Variants in CD5 observed in about 807,000 individuals in gnomAD.
CD5 encodes T-cell surface glycoprotein CD5.
A neutral mutation model predicts 60.3 loss-of-function variants in CD5; 36 were observed. The observed-to-expected ratio is 0.60, with a 90% confidence interval of 0.46 to 0.79. CD5 has a LOEUF of 0.79. Among genes scored for constraint, CD5 ranks in the 30% least tolerant of loss-of-function variants. The pLI, the probability that CD5 is intolerant of heterozygous loss-of-function variation, is 0.00. For missense variants in CD5, 540 were observed against 630.6 expected, an observed-to-expected ratio of 0.86 and a Z score of 1.54; for synonymous variants, 230 against 257.6, an observed-to-expected ratio of 0.89 and a Z score of 1.03.
upstream of CD5, among the ~76,000 whole-genome samples, chr11:61,101,349 C>T: frequency 1.0e-5 from 1 of 96,072 alleles, no homozygotes; most frequent in Non-Finnish European, 2.2e-5. Context: ...CATTCACACA[C>T]ATCAACATGG....
upstream of CD5, among the ~76,000 whole-genome samples, chr11:61,100,226 ACAACATGGAGATCACACACACACAT>A (rs1860647242): frequency 7.1e-6 from 1 of 141,230 alleles, no homozygotes; most frequent in Non-Finnish European, 1.5e-5. Context: ...TCACACACAC[ACAACATGGAGATCACACACACACAT>A]CAACATGGAG....
chr11:61,118,866 G>A lies in CD5; in HGVS notation c.401-49G>A. 7.1e-7 allele frequency: 1 copy of A among 1,416,630 alleles called. No individual in the cohort carries two copies. The highest frequency in any genetic ancestry group is 1.0e-6 in the Non-Finnish European group (1 of 1,004,604). 87.8% of individuals were successfully genotyped at this position (1,416,630 alleles called of 1,614,324 possible). On this transcript the variant is annotated intron_variant, in intron 3 of 10. Coordinates refer to ENST00000347785, the MANE Select transcript of CD5 (RefSeq NM_014207.4). The surrounding 1 kb of genome is among the most constrained non-coding windows in gnomAD (Gnocchi z 4.7). The stretch of plus-strand genomic sequence containing the variant: ...CTCTCAAGGCTGCTGGCTGCCCCCG[G>A]CCCTCCCCACACCACCCATTCCTCC...
At chr11:61,101,049 A>G (rs534752089), upstream of CD5, among the ~76,000 whole-genome samples, 364 of 110,304 alleles carry the variant, frequency 3.3e-3, 18 homozygotes, top group African/African-American at 0.011. Context: ...TGGAGATTAC[A>G]CACACATCAA....
chr11:61,122,863 T>G (rs756199996), intron 6 of CD5, 44 bp from the exon 7 acceptor site: 1 of 1,545,838 alleles, frequency 6.5e-7, no homozygotes. Context: ...ACAGTTTTTC[T>G]CCCCCCAGGA....
the CD5 span, among the ~76,000 whole-genome samples, chr11:61,097,189 C>T: frequency 6.6e-6 from 1 of 152,194 alleles, no homozygotes; most frequent in Admixed American, 6.5e-5. Flanking sequence ...CTCAATGTCA[C>T]TTCATGTTAT....
At chr11:61,100,481 TACAC>T (rs538147476), upstream of CD5, among the ~76,000 whole-genome samples, 142 of 133,548 alleles carry the variant, frequency 1.1e-3, 1 homozygote, top group African/African-American at 3.8e-3. Context: ...ACATGGAGAT[TACAC>T]ACACAACATG....
chr11:61,103,121 G>A (rs1285208828), intron 1 of CD5, among the ~76,000 whole-genome samples: 5 of 152,210 alleles, frequency 3.3e-5, no homozygotes, highest in Admixed American at 2.0e-4. Context: ...CTGAGCAAAT[G>A]TCAAGGACTC....
intron 9 of CD5, 52 bp from the exon 10 acceptor site, chr11:61,125,699 G>C: frequency 7.5e-7 from 1 of 1,333,738 alleles, no homozygotes; most frequent in Non-Finnish European, 1.1e-6. Context: ...AGGATCCAAG[G>C]GGCTCTGTGG....
intron 1 of CD5, 123 bp downstream of exon 1, chr11:61,102,738 G>C (rs1460686829): frequency 1.2e-6 from 1 of 867,854 alleles, no homozygotes; most frequent in East Asian, 2.7e-5. Context: ...GCGTTGTGGA[G>C]ATTTGGGGCC....
At chr11:61,101,469 A>G (rs1466653928), upstream of CD5, among the ~76,000 whole-genome samples, 9 of 151,786 alleles carry the variant, frequency 5.9e-5, no homozygotes, top group African/African-American at 2.2e-4. Context: ...CATGGAGATC[A>G]CACACACATA....
chr11:61,099,357 GATCACACACACACATCAACATGGAA>G (rs1555008851), upstream of CD5, among the ~76,000 whole-genome samples: 5 of 86,308 alleles, frequency 5.8e-5, no homozygotes, highest in Non-Finnish European at 1.2e-4. Context: ...TCAACATGGA[GATCACACACACACATCAACATGGAA>G]ATCACACACA....
intron 10 of CD5, 105 bp downstream of exon 10, chr11:61,125,946 A>C: frequency 1.8e-6 from 1 of 558,148 alleles, no homozygotes; most frequent in Non-Finnish European, 3.0e-6. Flanking sequence ...CTGCCCATAC[A>C]TGAATAGGGG....
upstream of CD5, among the ~76,000 whole-genome samples, chr11:61,100,266 C>T (rs1860648548): frequency 7.0e-6 from 1 of 143,852 alleles, no homozygotes; most frequent in Non-Finnish European, 1.5e-5. Flanking sequence ...ATGGAGATCA[C>T]ACACACATCA....
At chr11:61,099,923 A>G (rs1296175950), upstream of CD5, among the ~76,000 whole-genome samples, 3 of 151,570 alleles carry the variant, frequency 2.0e-5, no homozygotes, top group South Asian at 4.2e-4. Flanking sequence ...CAACATGGAG[A>G]TCACACACAC....
upstream of CD5, among the ~76,000 whole-genome samples, chr11:61,097,573 G>T (rs1256121388): frequency 6.6e-6 from 1 of 152,162 alleles, no homozygotes; most frequent in African/African-American, 2.4e-5. Flanking sequence ...TGTGGGCATA[G>T]AGCTTACGCC....
chr11:61,116,482 C>T (rs1295384082), intron 2 of CD5, among the ~76,000 whole-genome samples: 1 of 131,832 alleles, frequency 7.6e-6, no homozygotes, highest in Non-Finnish European at 1.6e-5. Flanking sequence ...ACACCACATA[C>T]ACACCCCACA....
At position 61,121,888 on chromosome 11, in the gene CD5, G is replaced by A; in HGVS notation, c.1083G>A (p.Lys361=). ...TTTGGGAGAGAAATTCCTACTGCAA[G>A]AAGGTGTTTGTCACATGTGAGTTGG... The part of the protein sequence containing the change: ...HELWERNSYC[K]KVFVTCQDPN... Residue 361 remains lysine, a synonymous_variant, in exon 6 of 11, where the codon AAG becomes AAA. Coordinates refer to ENST00000347785, the MANE Select transcript of CD5 (RefSeq NM_014207.4). 1 of 1,548,678 alleles carries A rather than the reference G, an allele frequency of 6.5e-7. No homozygotes were observed. Among genetic ancestry groups the A allele is most frequent in the Non-Finnish European group, 8.8e-7 (1 of 1,139,654 alleles).
At chr11:61,116,552 C>CACCA (rs1336907636) in intron 2 of CD5, among the ~76,000 whole-genome samples, 1 of 107,764 alleles carries the variant, frequency 9.3e-6, no homozygotes, top group Non-Finnish European at 1.9e-5. Context: ...CACACACACA[C>CACCA]CACACACACC....
the CD5 span, among the ~76,000 whole-genome samples, chr11:61,094,309 G>C: frequency 2.0e-5 from 3 of 152,122 alleles, no homozygotes; most frequent in Admixed American, 2.0e-4. Context: ...CCGGACAACT[G>C]AAACTTGGTA....
Sources: gnomAD v4.1 joint callset for allele counts (sites outside exome capture counted in the v4.1 genomes callset) on GRCh38, gnomAD v4.1.1 for gene constraint, Gnocchi (gnomAD v3.1) non-coding constraint, MANE v1.5 for transcripts, NCBI Gene and HGNC (gene_info 2026-07-23, HGNC 2026-07-21) for gene names.